The following SSX5 variants were observed in gnomAD, a reference collection of about 807,000 sequenced individuals.
SSX5 encodes protein SSX5.
A neutral mutation model predicts 14.9 loss-of-function variants in SSX5; 14 were observed. The ratio of observed to expected loss-of-function variants is 0.94; its 90% CI spans 0.62 to 1.47. The LOEUF (loss-of-function observed/expected upper bound fraction) is 1.47. Among genes scored for constraint, SSX5 ranks in the 40% most tolerant of loss-of-function variants. The pLI is 0.00. For missense variants in SSX5, 204 were observed against 154.6 expected (o/e 1.32, Z -1.70); for synonymous variants, 70 against 55.4 (o/e 1.26, Z -1.17).
At position 48,195,205 on chromosome X, in the gene SSX5, G is replaced by A. The variant is rs1226027306; in HGVS notation, c.69+85C>T. ...CCGGAGACCCTGGTCCTTGTCCCCAGTACCTCTGTCCTCCCCTCCTCAGAA... is the reference window on the plus strand; with the variant it reads ...CCGGAGACCCTGGTCCTTGTCCCCAATACCTCTGTCCTCCCCTCCTCAGAA... On this transcript the variant is annotated intron_variant, in intron 2 of 7. Coordinates refer to ENST00000347757, the MANE Select transcript of SSX5 (RefSeq NM_175723.2). 1.2e-5 allele frequency: 14 copies of A among 1,204,780 alleles called. No individual in the cohort carries two copies. The Admixed American group carries it at 2.6e-4, about 23-fold the overall frequency.
At chrX:48,191,576 C>T (rs1349657620) in intron 5 of SSX5, among the ~76,000 whole-genome samples, 3 of 111,776 alleles carry the variant, frequency 2.7e-5, no homozygotes, top group African/African-American at 9.7e-5. Context: ...GCCCCAGTAA[C>T]AGATCAGAGA....
At chrX:48,190,590 C>T (rs1251551880) in intron 5 of SSX5, among the ~76,000 whole-genome samples, 2 of 111,729 alleles carry the variant, frequency 1.8e-5, no homozygotes, top group African/African-American at 6.5e-5. Context: ...TAAGAATTCA[C>T]AAGGTCTACA....
At chrX:48,195,590 C>T (rs1334047396) in intron 1 of SSX5, among the ~76,000 whole-genome samples, 1 of 111,725 alleles carries the variant, frequency 9.0e-6, no homozygotes, top group African/African-American at 3.3e-5. Flanking sequence ...TTGGGGATGA[C>T]ATGTTTCCTA....
chrX:48,186,742 A>G lies in SSX5; in HGVS notation c.*119T>C. On this transcript the variant is annotated 3_prime_UTR_variant, in exon 8 of 8. Transcript: ENST00000347757. ...GACGCTCAACTTTTCACTGTTGTGA[A>G]CACTTGCTTTCACTTGCTATACACC... 7.7e-6 allele frequency: 9 copies of G among 1,168,824 alleles called. No homozygotes were observed. Among genetic ancestry groups the G allele is most frequent in the Admixed American group, 4.4e-5 (2 of 45,918 alleles).
chrX:48,196,534 G>A (rs1399767489), intron 1 of SSX5, among the ~76,000 whole-genome samples, 197 bp downstream of exon 1: 5 of 109,833 alleles, frequency 4.6e-5, no homozygotes, highest in African/African-American at 9.9e-5. Context: ...GTGAGCCACC[G>A]CGCCCCGCCC....
chrX:48,190,961 G>A (rs782008535), intron 5 of SSX5, among the ~76,000 whole-genome samples: 24 of 109,156 alleles, frequency 2.2e-4, no homozygotes, highest in African/African-American at 6.7e-4. Flanking sequence ...CTGGAGTGCA[G>A]TGGCAGGATC....
Position 48,186,809 on chromosome X carries a change from G to A in SSX5, c.*52C>T. 8.3e-7 allele frequency: 1 copy of A among 1,198,008 alleles called. No individual in the cohort carries two copies. The highest frequency in any genetic ancestry group is 1.1e-6 in the Non-Finnish European group (1 of 895,239). The stretch of plus-strand genomic sequence containing the variant: ...GCAGCCATGCCCATGTTCGTGAAAG[G>A]TCACCACGTTCTGCTTCTCATCATG... On this transcript the variant is annotated 3_prime_UTR_variant, in exon 8 of 8. Transcript: ENST00000347757.
intron 5 of SSX5, among the ~76,000 whole-genome samples, chrX:48,190,899 C>A (rs782323270): frequency 9.1e-6 from 1 of 109,883 alleles, no homozygotes; most frequent in South Asian, 3.9e-4. Context: ...CTGACCAACA[C>A]TCTTAAGCTA....
At chrX:48,194,557 G>A (rs1394551763) in intron 3 of SSX5, among the ~76,000 whole-genome samples, 183 bp downstream of exon 3, 1 of 110,796 alleles carries the variant, frequency 9.0e-6, no homozygotes, top group Non-Finnish European at 1.9e-5. Context: ...GCTCCACTGT[G>A]GCCAGTCCCT....
intron 2 of SSX5, 98 bp downstream of exon 2, chrX:48,195,192 G>A: frequency 1.7e-6 from 2 of 1,208,454 alleles, no homozygotes; most frequent in Non-Finnish European, 2.2e-6. Context: ...GGAGACCCTG[G>A]TCCTTGTCCC....
rs782431698 is a variant in SSX5 at position 48,191,513 on chromosome X, G to T, written c.330+719C>A. ...CAGGTGCAGACAAGGCCCTCAAGGA[G>T]CTCACAGTAGGGAGGGGCCAACAGT... On this transcript the variant is annotated intron_variant, in intron 5 of 7. Coordinates refer to ENST00000347757, the MANE Select transcript of SSX5 (RefSeq NM_175723.2). 3.6e-5 allele frequency among the ~76,000 whole-genome samples: 4 copies of T among 111,177 alleles called. No individual in the cohort carries two copies. The Admixed American group carries it at 3.9e-4, about 11-fold the overall frequency.
At position 48,195,362 on chromosome X, in the gene SSX5, A is replaced by G. The variant is rs199509152; in HGVS notation, c.-4T>C. ...CAAAGGCATCGTCTCCGTTCATGGCACCGGGAGCACTCTGTCCTACAAGAG... is the reference window on the plus strand; with the variant it reads ...CAAAGGCATCGTCTCCGTTCATGGCGCCGGGAGCACTCTGTCCTACAAGAG... On this transcript the variant is annotated 5_prime_UTR_variant, in exon 2 of 8. Transcript: ENST00000347757. The G allele has an allele frequency of 8.3e-7, 1 of 1,210,755 alleles. No individual in the cohort carries two copies. The highest frequency in any genetic ancestry group is 1.1e-6 in the Non-Finnish European group (1 of 894,838).
At chrX:48,187,100 G>A (rs1556923917) in intron 7 of SSX5, among the ~76,000 whole-genome samples, 3 of 111,626 alleles carry the variant, frequency 2.7e-5, no homozygotes, top group African/African-American at 6.5e-5. Context: ...CTGACCTGGG[G>A]TTTGGGAACC....
rs1331035640 is a variant in SSX5 at position 48,194,356 on chromosome X, G to A, written c.185-132C>T. 30 of 689,389 alleles carry A rather than the reference G, an allele frequency of 4.4e-5. No homozygotes were observed. In the African/African-American group the frequency reaches 4.5e-4, roughly 10 times the overall value. The allele number at this position is 689,389 out of a possible 1,213,427, so 56.8% of individuals were successfully genotyped here. A position where few individuals can be genotyped will look rare whatever the true frequency, so the allele number is the denominator to read the frequency against. On this transcript the variant is annotated intron_variant, in intron 3 of 7. Coordinates refer to ENST00000347757, the MANE Select transcript of SSX5 (RefSeq NM_175723.2). The stretch of plus-strand genomic sequence containing the variant: ...TTGAGGCCAGGAGTTTGAGGCTGCA[G>A]TGAGCTATGATTGCACTACTGCACT...
chrX:48,186,559 T>C lies in SSX5; in HGVS notation c.*302A>G, dbSNP rs782167292. 1.4e-4 allele frequency: 60 copies of C among 433,723 alleles called. No homozygotes were observed. The East Asian group carries it at 2.3e-3, about 16-fold the overall frequency. 35.7% of individuals were successfully genotyped at this position (433,723 alleles called of 1,213,427 possible). ...GTTCTATGCAGAGAATACCTGACGA[T>C]ACTTGTTTTCTGAGGTAGGTGCATG... On this transcript the variant is annotated 3_prime_UTR_variant, in exon 8 of 8. Coordinates refer to ENST00000347757, the MANE Select transcript of SSX5 (RefSeq NM_175723.2).
At chrX:48,187,496 C>T in intron 7 of SSX5, 131 bp downstream of exon 7, 2 of 852,982 alleles carry the variant, frequency 2.3e-6, no homozygotes, top group Non-Finnish European at 3.3e-6. Flanking sequence ...CATCATTCAG[C>T]CTCAATGCTG....
At position 48,195,333 on chromosome X, in the gene SSX5, C is replaced by A; in HGVS notation, c.26G>T (p.Arg9Leu). Reference sequence around the variant, plus strand: ...TATTTGAGAACCAACCCTAGGTCTCCGTACAAAGGCATCGTCTCCGTTCAT... The same window carrying A: ...TATTTGAGAACCAACCCTAGGTCTCAGTACAAAGGCATCGTCTCCGTTCAT... MNGDDAFV[R>L]RPRVGSQIPE... The change falls in exon 2 of 8, where the codon CGG becomes CTG. Residue 9 changes from arginine to leucine, a missense_variant. Physicochemically the swap from Arg to Leu is moderately radical, Grantham distance 102 (BLOSUM62 -2). Coordinates refer to ENST00000347757, the MANE Select transcript of SSX5 (RefSeq NM_175723.2). 1 of 1,211,667 alleles carries A rather than the reference C, an allele frequency of 8.3e-7. No individual in the cohort carries two copies. Among genetic ancestry groups the A allele is most frequent in the Non-Finnish European group, 1.1e-6 (1 of 895,421 alleles).
At chrX:48,189,638 A>G (rs1469734107) in intron 6 of SSX5, among the ~76,000 whole-genome samples, 1 of 112,556 alleles carries the variant, frequency 8.9e-6, no homozygotes, top group Non-Finnish European at 1.9e-5. Context: ...TTGTAAACAT[A>G]ATGTTTTTAT....
At position 48,192,236 on chromosome X, in the gene SSX5, G is replaced by A. The variant is rs781790380; in HGVS notation, c.326C>T (p.Pro109Leu). The stretch of plus-strand genomic sequence containing the variant: ...TTAGATTTGAGAGACACTCACCTTC[G>A]GGAAGATTCCCTGGAGCCTGCCGAA... Reference protein sequence around the residue: ...MTFGRLQGIFPKITPEKPAEE... With the variant: ...MTFGRLQGIFLKITPEKPAEE... The change falls in exon 5 of 8, where the codon CCG (proline) becomes CTG (leucine). Residue 109 changes from proline to leucine, a missense_variant. Pro to Leu is a moderately conservative substitution (Grantham distance 98). Transcript: ENST00000347757. The A allele has an allele frequency of 1.8e-5, 22 of 1,208,917 alleles. No homozygotes were observed. In the African/African-American group the frequency reaches 2.5e-4, roughly 13 times the overall value.
Sources: allele counts gnomAD v4.1 joint callset (sites outside exome capture counted in the v4.1 genomes callset), GRCh38; gene constraint gnomAD v4.1.1; transcripts MANE v1.5; gene names NCBI Gene and HGNC (gene_info 2026-07-23, HGNC 2026-07-21).